VWA5B2: variants seen among roughly 807,000 people sequenced by gnomAD.
VWA5B2 encodes the protein von Willebrand factor A domain-containing protein 5B2.
Under a neutral mutation model 118.5 loss-of-function variants are expected in VWA5B2, and 93 were observed. The ratio of observed to expected loss-of-function variants is 0.79; its 90% confidence interval spans 0.66 to 0.93. The LOEUF (loss-of-function observed/expected upper bound fraction) is 0.93. VWA5B2 is among the 40% of genes least tolerant of loss of function. The pLI is 0.00. For synonymous variants in VWA5B2, 708 were observed against 716.3 expected, an observed-to-expected ratio of 0.99 and a Z score of 0.19; for missense variants, 1,546 against 1,672.8, an observed-to-expected ratio of 0.92 and a Z score of 1.32.
chr3:184,234,450 G>C (rs1273472600), intron 6 of VWA5B2, 53 bp downstream of exon 6: 3 of 1,545,196 alleles, frequency 1.9e-6, no homozygotes, highest in African/African-American at 1.4e-5. Context: ...CTACATGAAT[G>C]GGGGAAGCAT....
rs1259234210 is a variant in VWA5B2, at chr3:184,239,925, G to A, written c.2629G>A (p.Val877Ile). The A allele has an allele frequency of 3.9e-6, 6 of 1,551,490 alleles. No homozygotes were observed. The Admixed American group carries it at 5.9e-5, about 15-fold the overall frequency. Residue 877 changes from valine (V) to isoleucine (I), a missense_variant, in exon 16 of 20, where the codon GTA becomes ATA. By Grantham distance (29) the Val-to-Ile change is conservative. Around this residue, in one of 3 missense-constraint regions of VWA5B2, gnomAD observed 763 missense variants for 766.6 expected, o/e 1.00. Coordinates refer to ENST00000691901, the MANE Select transcript of VWA5B2 (RefSeq NM_001390846.1). This position sits in a 1 kb window ranked among gnomAD's most constrained non-coding sequence, Gnocchi z 5.1. Reference protein sequence around the residue: ...GDGSQPPSPPVREAAWDQALH... With the variant: ...GDGSQPPSPPIREAAWDQALH... ...TGGCTCACAGCCTCCCTCACCTCCT[G>A]TAAGAGAAGCTGCTTGGGACCAAGC...
In VWA5B2 at chr3:184,234,623, C is replaced by A. The variant is rs972970667; in HGVS notation, c.821-8C>A. On this transcript the variant is annotated splice_region_variant and splice_polypyrimidine_tract_variant and intron_variant, in intron 6 of 19. Coordinates refer to ENST00000691901, the MANE Select transcript of VWA5B2 (RefSeq NM_001390846.1). Reference sequence around the variant, plus strand: ...CTTCCTTGACAGAATTGTGTCCTCTCCTCTCAGAGCCCCATCAGCCACACC... The same window carrying A: ...CTTCCTTGACAGAATTGTGTCCTCTACTCTCAGAGCCCCATCAGCCACACC... 9 of 1,550,816 alleles carry A rather than the reference C, an allele frequency of 5.8e-6. No individual in the cohort carries two copies. Among genetic ancestry groups the A allele is most frequent in the Non-Finnish European group, 7.0e-6 (8 of 1,146,802 alleles).
chr3:184,241,298 C>G lies in VWA5B2; in HGVS notation c.3074C>G (p.Pro1025Arg). ...ACGGAAGGTCCTCGCCGCCCACCTCCCCGTCCTCCCTGTCGGCTCAGCATG... is the reference window on the plus strand; with the variant it reads ...ACGGAAGGTCCTCGCCGCCCACCTCGCCGTCCTCCCTGTCGGCTCAGCATG... ...TPTEGPRRPP[P>R]RPPCRLSMGR... Residue 1025 changes from proline to arginine, a missense_variant, in exon 19 of 20, where the codon CCC (proline) becomes CGC (arginine). This residue lies in a region of VWA5B2 where 763 missense variants were observed against 766.6 expected (regional missense o/e 1.00). Transcript: ENST00000691901. This position sits in a 1 kb window ranked among gnomAD's most constrained non-coding sequence, Gnocchi z 5.1. 3 of 1,551,356 alleles carry G rather than the reference C, an allele frequency of 1.9e-6. No individual in the cohort carries two copies. Among genetic ancestry groups the G allele is most frequent in the Non-Finnish European group, 2.6e-6 (3 of 1,147,008 alleles).
At chr3:184,230,691 C>A (rs371590852) in intron 2 of VWA5B2, 24 bp downstream of exon 2, 1 of 1,231,906 alleles carries the variant, frequency 8.1e-7, no homozygotes. Flanking sequence ...GGGGCGCGGG[C>A]GCGGCGGGGG....
intron 1 of VWA5B2, among the ~76,000 whole-genome samples, chr3:184,230,149 G>A (rs1246050598): frequency 6.6e-6 from 1 of 152,140 alleles, no homozygotes; most frequent in South Asian, 2.1e-4. Context: ...GCGGCCGCGG[G>A]GGGCCCCGGG....
Position 184,241,890 on chromosome 3 carries a change from C to CT in VWA5B2, c.3582dup (p.Asp1195Ter), listed in dbSNP as rs1436627842. ...GAGTGGGAACTGACAGCGGCCAAGG[C>CT]TGATTGCTGGCTGCGGGCCCAGCAC... On this transcript the variant is annotated frameshift_variant, in exon 20 of 20. Coordinates refer to ENST00000691901, the MANE Select transcript of VWA5B2 (RefSeq NM_001390846.1). LOFTEE classifies it high-confidence loss of function. The surrounding 1 kb of genome is among the most constrained non-coding windows in gnomAD (Gnocchi z 5.1). 1 of 1,547,564 alleles carries CT rather than the reference C, an allele frequency of 6.5e-7. No homozygotes were observed. Among genetic ancestry groups the CT allele is most frequent in the Non-Finnish European group, 8.7e-7 (1 of 1,146,770 alleles).
rs532605712 is a variant in VWA5B2 at position 184,233,393 on chromosome 3, G to A, written c.526G>A (p.Asp176Asn). ...GPPRPPGLCD[D>N]SPTSCFGVGS... is the part of the protein sequence containing the mutation. ...CCCCAGGCCTCCGGGGCTCTGTGAC[G>A]ACAGGTTGGGCCTATGGTGATTCTC... Residue 176 changes from aspartate (D) to asparagine (N), a missense_variant, in exon 4 of 20, where the codon GAC becomes AAC. Coordinates refer to ENST00000691901, the MANE Select transcript of VWA5B2 (RefSeq NM_001390846.1). The surrounding 1 kb of genome is among the most constrained non-coding windows in gnomAD (Gnocchi z 5.2). 5.8e-5 allele frequency: 89 copies of A among 1,533,934 alleles called. 1 individual carries two copies. In the Admixed American group the frequency reaches 6.7e-4, roughly 11 times the overall value.
chr3:184,234,111 G>A (rs186786055), intron 5 of VWA5B2, among the ~76,000 whole-genome samples, 155 bp from the exon 6 acceptor site: 1 of 152,300 alleles, frequency 6.6e-6, no homozygotes, highest in East Asian at 1.9e-4. Context: ...CTACTTCCCA[G>A]CCCATGAAAG....
Position 184,233,025 on chromosome 3 carries a change from G to A in VWA5B2, c.311-153G>A, listed in dbSNP as rs1268055996. 2 of 647,398 alleles carry A rather than the reference G, an allele frequency of 3.1e-6. No homozygotes were observed. Among genetic ancestry groups the A allele is most frequent in the Non-Finnish European group, 5.4e-6 (2 of 370,824 alleles). The allele number at this position is 647,398 out of a possible 1,614,324, so 40.1% of individuals were successfully genotyped here. A position where few individuals can be genotyped will look rare whatever the true frequency, so the allele number is the denominator to read the frequency against. The stretch of plus-strand genomic sequence containing the variant: ...CCTCTCCTGCCATCATTCATCTCAT[G>A]CCTCCATCCTGCGTCACCAATGCAT... On this transcript the variant is annotated intron_variant, in intron 3 of 19. Coordinates refer to ENST00000691901, the MANE Select transcript of VWA5B2 (RefSeq NM_001390846.1). This position sits in a 1 kb window ranked among gnomAD's most constrained non-coding sequence, Gnocchi z 5.2.
At position 184,237,143 on chromosome 3, in the gene VWA5B2, A is replaced by T. The variant is rs1193558571; in HGVS notation, c.1534-83A>T. On this transcript the variant is annotated intron_variant, in intron 11 of 19. Transcript: ENST00000691901. The surrounding 1 kb of genome is among the most constrained non-coding windows in gnomAD (Gnocchi z 5.6). ...GCTTAGGGGCTGGGCAGATGGCATCAGGGGAAGGGCAGCCTTCCTGCTCTG... is the reference window on the plus strand; with the variant it reads ...GCTTAGGGGCTGGGCAGATGGCATCTGGGGAAGGGCAGCCTTCCTGCTCTG... 10 of 1,442,634 alleles carry T rather than the reference A, an allele frequency of 6.9e-6. No individual in the cohort carries two copies. The highest frequency in any genetic ancestry group is 6.7e-5 in the South Asian group (5 of 74,534). The allele number at this position is 1,442,634 out of a possible 1,614,324, so 89.4% of individuals were successfully genotyped here. A position where few individuals can be genotyped will look rare whatever the true frequency, so the allele number is the denominator to read the frequency against.
rs1334321322 is a variant in VWA5B2 at position 184,230,894 on chromosome 3, C to T, written c.287C>T (p.Pro96Leu). Residue 96 changes from proline to leucine, a missense_variant, in exon 3 of 20, where the codon CCG becomes CTG. Around this residue, in one of 3 missense-constraint regions of VWA5B2, gnomAD observed 775 missense variants for 882.3 expected, o/e 0.88. Transcript: ENST00000691901. ...GCTCTGGGCCCGGGGCTGGGGACCC[C>T]GACGCCCCGCCGCTGCGCGCAGGGT... ...CRALGPGLGT[P>L]TPRRCAQGHL... 1 of 1,221,966 alleles carries T rather than the reference C, an allele frequency of 8.2e-7. No individual in the cohort carries two copies. Among genetic ancestry groups the T allele is most frequent in the Middle Eastern group, 3.2e-4 (1 of 3,114 alleles). 75.7% of individuals were successfully genotyped at this position (1,221,966 alleles called of 1,614,324 possible).
In VWA5B2 at chr3:184,233,462, G is replaced by T; in HGVS notation, c.530+65G>T. The T allele has an allele frequency of 6.7e-7, 1 of 1,501,338 alleles. No homozygotes were observed. Among genetic ancestry groups the T allele is most frequent in the Non-Finnish European group, 8.9e-7 (1 of 1,122,308 alleles). The allele number at this position is 1,501,338 out of a possible 1,614,324, so 93.0% of individuals were successfully genotyped here. On this transcript the variant is annotated intron_variant, in intron 4 of 19. Transcript: ENST00000691901. This position sits in a 1 kb window ranked among gnomAD's most constrained non-coding sequence, Gnocchi z 5.2. The stretch of plus-strand genomic sequence containing the variant: ...TCTCTGGGTCTAGTGCGGGTGAGGG[G>T]GCACTGGCAGGGTACCCAGGGATGG...
chr3:184,242,051 G>C lies in VWA5B2; in HGVS notation c.*13G>C, dbSNP rs768416324. On this transcript the variant is annotated 3_prime_UTR_variant, in exon 20 of 20. Transcript: ENST00000691901. ...AGCGAACGTGTGAAGGCTGCCCCCT[G>C]CTGCTTGGGCTGGCGCCCCACCCAA... 9.7e-6 allele frequency: 15 copies of C among 1,546,684 alleles called. No individual in the cohort carries two copies. Among genetic ancestry groups the C allele is most frequent in the Non-Finnish European group, 1.3e-5 (15 of 1,146,790 alleles).
In VWA5B2 at chr3:184,241,076, A is replaced by T; in HGVS notation, c.2931A>T (p.Ala977=). The change falls in exon 18 of 20, where the codon GCA becomes GCT. Residue 977 remains alanine, a synonymous_variant. Coordinates refer to ENST00000691901, the MANE Select transcript of VWA5B2 (RefSeq NM_001390846.1). The surrounding 1 kb of genome is among the most constrained non-coding windows in gnomAD (Gnocchi z 5.1). ...TPPASHSHLD[A]APLPTVVYSK... ...CTGCCTCTCACAGCCATCTAGATGC[A>T]GCTCCTCTGCCCACTGTTGTCTACT... 1 of 1,551,718 alleles carries T rather than the reference A, an allele frequency of 6.4e-7. No individual in the cohort carries two copies. The highest frequency in any genetic ancestry group is 2.4e-5 in the East Asian group (1 of 40,918).
Position 184,233,558 on chromosome 3 carries a change from C to T in VWA5B2, c.531-18C>T. On this transcript the variant is annotated intron_variant, in intron 4 of 19. Transcript: ENST00000691901. The surrounding 1 kb of genome is among the most constrained non-coding windows in gnomAD (Gnocchi z 5.2). ...GCCTTCACAGTGGCCCAGTGACCCT[C>T]CTCATGCTCCCTTCCAGCCCCACCA... The T allele has an allele frequency of 6.5e-7, 1 of 1,547,864 alleles. No individual in the cohort carries two copies. Among genetic ancestry groups the T allele is most frequent in the South Asian group, 1.2e-5 (1 of 83,488 alleles).
chr3:184,239,096 C>G lies in VWA5B2; in HGVS notation c.2202+223C>G, dbSNP rs1386727153. Among the ~76,000 whole-genome samples the G allele has an allele frequency of 6.6e-6, 1 of 152,152 alleles. No individual in the cohort carries two copies. Among genetic ancestry groups the G allele is most frequent in the African/African-American group, 2.4e-5 (1 of 41,422 alleles). On this transcript the variant is annotated intron_variant, in intron 14 of 19. Coordinates refer to ENST00000691901, the MANE Select transcript of VWA5B2 (RefSeq NM_001390846.1). This position sits in a 1 kb window ranked among gnomAD's most constrained non-coding sequence, Gnocchi z 5.1. ...TTCTGCCTGAGAGAGTCAGGAAAGT[C>G]AGAGCCATATCTGGAAGAATAAGCA... is the stretch of plus-strand genomic sequence containing the variant.
In VWA5B2 at chr3:184,230,535, G is replaced by C; in HGVS notation, c.7G>C (p.Gly3Arg). 1 of 1,476,852 alleles carries C rather than the reference G, an allele frequency of 6.8e-7. No individual in the cohort carries two copies. 91.5% of individuals were successfully genotyped at this position (1,476,852 alleles called of 1,614,324 possible). A position where few individuals can be genotyped will look rare whatever the true frequency, so the allele number is the denominator to read the frequency against. Residue 3 changes from glycine to arginine, a missense_variant, in exon 2 of 20, where the codon GGC becomes CGC. Around this residue, in one of 3 missense-constraint regions of VWA5B2, gnomAD observed 775 missense variants for 882.3 expected, o/e 0.88. Coordinates refer to ENST00000691901, the MANE Select transcript of VWA5B2 (RefSeq NM_001390846.1). ...GGGCCGGCCTCCCGGCGCCATGCCCGGCCTGTACTGCCCCTCCAGCTGGAC... is the reference window on the plus strand; with the variant it reads ...GGGCCGGCCTCCCGGCGCCATGCCCCGCCTGTACTGCCCCTCCAGCTGGAC... Reference protein sequence around the residue: MPGLYCPSSWTPL... With the variant: MPRLYCPSSWTPL...
In VWA5B2 at chr3:184,237,327, G is replaced by T; in HGVS notation, c.1635G>T (p.Glu545Asp). 1 of 1,551,432 alleles carries T rather than the reference G, an allele frequency of 6.4e-7. No individual in the cohort carries two copies. Among genetic ancestry groups the T allele is most frequent in the Non-Finnish European group, 8.7e-7 (1 of 1,146,996 alleles). The change falls in exon 12 of 20, where the codon GAG becomes GAT. Residue 545 changes from glutamate to aspartate, a missense_variant. By Grantham distance (45) the Glu-to-Asp change is conservative. Around this residue, in one of 3 missense-constraint regions of VWA5B2, gnomAD observed 775 missense variants for 882.3 expected, o/e 0.88. Coordinates refer to ENST00000691901, the MANE Select transcript of VWA5B2 (RefSeq NM_001390846.1). The surrounding 1 kb of genome is among the most constrained non-coding windows in gnomAD (Gnocchi z 5.6). ...TGGAGGCACTGCTGACCCCCCGGGA[G>T]ATCCCAGCACTCTACCCTGGGGACC... ...DTVEALLTPR[E>D]IPALYPGDQL...
Position 184,240,073 on chromosome 3 carries a change from A to G in VWA5B2, c.2740+37A>G, listed in dbSNP as rs772656754. ...ATGGGTCCAGTCAGGACCCAAAGGCATGGGCTAAAAACAGCAAAGGTAGAG... is the reference window on the plus strand; with the variant it reads ...ATGGGTCCAGTCAGGACCCAAAGGCGTGGGCTAAAAACAGCAAAGGTAGAG... On this transcript the variant is annotated intron_variant, in intron 16 of 19. Coordinates refer to ENST00000691901, the MANE Select transcript of VWA5B2 (RefSeq NM_001390846.1). 8 of 1,458,626 alleles carry G rather than the reference A, an allele frequency of 5.5e-6. No homozygotes were observed. The South Asian group carries it at 1.1e-4, about 20-fold the overall frequency. The allele number at this position is 1,458,626 out of a possible 1,614,324, so 90.4% of individuals were successfully genotyped here.
Sources: gnomAD v4.1 joint callset for allele counts (sites outside exome capture counted in the v4.1 genomes callset) on GRCh38, gnomAD v4.1.1 for gene constraint, gnomAD v4.1.1 regional missense constraint, Gnocchi (gnomAD v3.1) non-coding constraint, MANE v1.5 for transcripts, NCBI Gene and HGNC (gene_info 2026-07-23, HGNC 2026-07-21) for gene names.